TMTC4: variants seen among roughly 807,000 people sequenced by gnomAD.
TMTC4 encodes the protein protein O-mannosyl-transferase TMTC4.
TMTC4 carries 65 observed loss-of-function variants against 86.0 expected under a neutral mutation model. The ratio of observed to expected loss-of-function variants is 0.76; its 90% confidence interval spans 0.62 to 0.93. TMTC4 has a LOEUF of 0.93. Ranked by LOEUF, TMTC4 falls within the 40% of genes least tolerant of loss-of-function variation. The pLI, the probability that TMTC4 is intolerant of heterozygous loss-of-function variation, is 0.00. For missense variants in TMTC4, 866 were observed against 948.1 expected (o/e 0.91, Z 1.14); for synonymous variants, 379 against 382.5 (o/e 0.99, Z 0.11).
rs1331418386 is a variant in TMTC4, at chr13:100,624,583, C to G, written c.1836+952G>C. 2.0e-5 allele frequency among the ~76,000 whole-genome samples: 3 copies of G among 151,946 alleles called. No homozygotes were observed. The East Asian group carries it at 5.8e-4, about 29-fold the overall frequency. On this transcript the variant is annotated intron_variant, in intron 15 of 18. Coordinates refer to ENST00000342624, the MANE Select transcript of TMTC4 (RefSeq NM_032813.5). ...CCAAAAACAAAACAAAACAAACAAA[C>G]AAACAAACAAACAAAAAACAAAACC...
intron 6 of TMTC4, among the ~76,000 whole-genome samples, chr13:100,654,897 A>C (rs1884887085): frequency 6.6e-6 from 1 of 152,212 alleles, no homozygotes; most frequent in African/African-American, 2.4e-5. Flanking sequence ...ATGTCTTTGA[A>C]ATCCATTCAG....
intron 15 of TMTC4, among the ~76,000 whole-genome samples, chr13:100,622,440 T>A (rs1879659533): frequency 6.6e-6 from 1 of 152,220 alleles, no homozygotes; most frequent in Non-Finnish European, 1.5e-5. Context: ...CTCCCATCAT[T>A]CCCATGTGTT....
intron 3 of TMTC4, chr13:100,665,872 A>G: frequency 2.8e-6 from 1 of 358,548 alleles, no homozygotes; most frequent in Non-Finnish European, 5.6e-6. Context: ...AGCCAGGAGC[A>G]CACTGACCAC....
chr13:100,662,703 C>T (rs1270371551), intron 5 of TMTC4, among the ~76,000 whole-genome samples: 2 of 152,188 alleles, frequency 1.3e-5, no homozygotes, highest in African/African-American at 2.4e-5. Context: ...CACACCTTAT[C>T]ACGCAGTCCC....
intron 2 of TMTC4, 37 bp from the exon 3 acceptor site, chr13:100,668,831 C>T (rs1169565213): frequency 1.9e-6 from 3 of 1,604,724 alleles, no homozygotes; most frequent in South Asian, 1.1e-5. Context: ...TATTCATCAA[C>T]ACTGGTAGGA....
chr13:100,615,289 C>A (rs1050484111), intron 15 of TMTC4, among the ~76,000 whole-genome samples: 1 of 151,844 alleles, frequency 6.6e-6, no homozygotes, highest in Non-Finnish European at 1.5e-5. Context: ...AGGCGCCCAC[C>A]ACCATGCCCG....
At chr13:100,632,609 T>G (rs754057763) in intron 12 of TMTC4, among the ~76,000 whole-genome samples, 5 of 152,258 alleles carry the variant, frequency 3.3e-5, no homozygotes, top group Non-Finnish European at 2.9e-5. Context: ...AGTAATTCAC[T>G]ATTTTATCTA....
In TMTC4 at chr13:100,626,133, G is replaced by A. The variant is rs746439753; in HGVS notation, c.1524C>T (p.Gly508=). 1 of 1,614,184 alleles carries A rather than the reference G, an allele frequency of 6.2e-7. No homozygotes were observed. The highest frequency in any genetic ancestry group is 1.7e-5 in the Admixed American group (1 of 60,008). ...GGTTGCCTTTATCAGCCAGGTTTTTGCCAATGTTGTAGTGAACCTGCAGAC... is the reference window on the plus strand; with the variant it reads ...GGTTGCCTTTATCAGCCAGGTTTTTACCAATGTTGTAGTGAACCTGCAGAC... ...PLNAKVHYNI[G]KNLADKGNQT... is the part of the protein sequence containing the mutation. Residue 508 remains glycine (G), a synonymous_variant, in exon 13 of 19, where the codon GGC becomes GGT. Transcript: ENST00000342624.
intron 1 of TMTC4, among the ~76,000 whole-genome samples, chr13:100,672,154 C>T (rs957697477): frequency 1.3e-5 from 2 of 152,226 alleles, no homozygotes; most frequent in African/African-American, 2.4e-5. Flanking sequence ...TTAGCCGCTG[C>T]TTCCCAGTCC....
intron 7 of TMTC4, 34 bp downstream of exon 7, chr13:100,642,177 A>G: frequency 6.2e-7 from 1 of 1,608,698 alleles, no homozygotes; most frequent in Non-Finnish European, 8.5e-7. Flanking sequence ...GGACACACAG[A>G]AAAAGCAGGC....
rs758599249 is a variant in TMTC4 at position 100,625,828 on chromosome 13, G to A, written c.1651C>T (p.Leu551=). The A allele has an allele frequency of 6.2e-7, 1 of 1,613,840 alleles. No homozygotes were observed. Among genetic ancestry groups the A allele is most frequent in the East Asian group, 2.2e-5 (1 of 44,892 alleles). ...GACAGCAGCTCCTCAGCTTCCTGTA[G>A]CTCATTCCTTTCTTTTAAGATATTT... is the stretch of plus-strand genomic sequence containing the variant. ...LGNILKERNE[L]QEAEELLSLA... is the part of the protein sequence containing the mutation. The change falls in exon 14 of 19, where the codon CTA becomes TTA. Residue 551 remains leucine (L), a synonymous_variant. Coordinates refer to ENST00000342624, the MANE Select transcript of TMTC4 (RefSeq NM_032813.5).
At chr13:100,634,588 C>A (rs1397607431) in intron 12 of TMTC4, among the ~76,000 whole-genome samples, 1 of 152,040 alleles carries the variant, frequency 6.6e-6, no homozygotes. Context: ...TTGATACTGT[C>A]TGCTTTTAAA....
chr13:100,606,295 C>A, intron 18 of TMTC4, 63 bp downstream of exon 18: 1 of 1,362,880 alleles, frequency 7.3e-7, no homozygotes, highest in South Asian at 1.2e-5. Flanking sequence ...ATTTTATAGA[C>A]ATGCACCCAC....
intron 15 of TMTC4, among the ~76,000 whole-genome samples, chr13:100,617,968 C>A (rs1160806446): frequency 6.6e-6 from 1 of 152,212 alleles, no homozygotes; most frequent in Non-Finnish European, 1.5e-5. Flanking sequence ...AATCCATGGT[C>A]AGGAAATGTT....
intron 5 of TMTC4, among the ~76,000 whole-genome samples, chr13:100,658,340 G>A (rs186223029): frequency 2.0e-5 from 3 of 152,254 alleles, no homozygotes; most frequent in Admixed American, 2.0e-4. Context: ...TGAGTGAGGA[G>A]GCAGCTGGTG....
chr13:100,637,453 G>A lies in TMTC4; in HGVS notation c.999+85C>T, dbSNP rs559527671. On this transcript the variant is annotated intron_variant, in intron 9 of 18. Coordinates refer to ENST00000342624, the MANE Select transcript of TMTC4 (RefSeq NM_032813.5). ...TTGGGGATTTTGTTGGCGTGCAGAG[G>A]AGTGAGACGAGGAGGAGGGGTGAGG... The A allele has an allele frequency of 1.2e-4, 178 of 1,507,346 alleles. 2 individuals carry two copies. The highest frequency in any genetic ancestry group is 5.0e-5 in the Non-Finnish European group (56 of 1,116,802). The allele number at this position is 1,507,346 out of a possible 1,614,324, so 93.4% of individuals were successfully genotyped here.
chr13:100,640,017 T>C (rs1478487565), intron 7 of TMTC4, among the ~76,000 whole-genome samples: 2 of 151,972 alleles, frequency 1.3e-5, no homozygotes, highest in Non-Finnish European at 2.9e-5. Flanking sequence ...GAGGACCTTG[T>C]AGATGGAAAT....
chr13:100,665,369 A>G lies in TMTC4; in HGVS notation c.220-1033T>C, dbSNP rs76537261. Among the ~76,000 whole-genome samples the G allele has an allele frequency of 5.7e-3, 868 of 152,350 alleles. 13 individuals are homozygous for G. Among genetic ancestry groups the G allele is most frequent in the East Asian group, 0.02 (102 of 5,186 alleles). On this transcript the variant is annotated intron_variant, in intron 3 of 18. Coordinates refer to ENST00000342624, the MANE Select transcript of TMTC4 (RefSeq NM_032813.5). ...TGCTGATCACTTCCCCGGGTTGTCC[A>G]TCAAGATTCTTCATCGCAGTAACCA...
chr13:100,637,756 G>A (rs949222643), intron 8 of TMTC4, 54 bp from the exon 9 acceptor site: 1 of 1,594,494 alleles, frequency 6.3e-7, no homozygotes, highest in Non-Finnish European at 8.6e-7. Flanking sequence ...TAAAAGTGTG[G>A]CTGAGCCAGG....
Sources: gnomAD v4.1 joint callset for allele counts (sites outside exome capture counted in the v4.1 genomes callset) on GRCh38, gnomAD v4.1.1 for gene constraint, MANE v1.5 for transcripts, NCBI Gene and HGNC (gene_info 2026-07-23, HGNC 2026-07-21) for gene names.